MYO9A: variants seen among roughly 807,000 people sequenced by gnomAD.
MYO9A encodes myosin IXA, also known as unconventional myosin-IXa.
MYO9A carries 103 observed loss-of-function variants against 293.3 expected under a neutral mutation model. The observed-to-expected ratio is 0.35, with a 90% CI of 0.30 to 0.41. The LOEUF is 0.41. MYO9A is among the 10% of genes least tolerant of loss of function. The pLI, the probability that MYO9A is intolerant of heterozygous loss-of-function variation, is 1.00. For synonymous variants in MYO9A, 1,001 were observed against 1,035.7 expected, an observed-to-expected ratio of 0.97 and a Z score of 0.64; for missense variants, 2,685 against 3,033.0, an observed-to-expected ratio of 0.89 and a Z score of 2.69.
At chr15:71,954,774 GA>G (rs2059140059) in intron 14 of MYO9A, among the ~76,000 whole-genome samples, 1 of 152,118 alleles carries the variant, frequency 6.6e-6, no homozygotes, top group Non-Finnish European at 1.5e-5. Flanking sequence ...TTTAGTGACA[GA>G]AAAGTTCCAT....
At position 71,879,215 on chromosome 15, in the gene MYO9A, C is replaced by A. The variant is rs543831127; in HGVS notation, c.5739+506G>T. Among the ~76,000 whole-genome samples the A allele has an allele frequency of 4.7e-4, 71 of 152,064 alleles. 1 individual carries two copies. Among genetic ancestry groups the A allele is most frequent in the African/African-American group, 1.5e-3 (62 of 41,400 alleles). ...TAGACCAAAGCATTAATTGCACACA[C>A]CAAAAATAAATTTTCTAAAACATGA... On this transcript the variant is annotated intron_variant, in intron 30 of 41. Transcript: ENST00000356056.
intron 39 of MYO9A, among the ~76,000 whole-genome samples, chr15:71,842,413 C>G (rs921889845): frequency 6.6e-6 from 1 of 151,610 alleles, no homozygotes; most frequent in African/African-American, 2.4e-5. Flanking sequence ...TCATTTAATC[C>G]TAAGTTTGGT....
At chr15:72,022,887 T>G (rs1402676640) in intron 4 of MYO9A, among the ~76,000 whole-genome samples, 1 of 151,904 alleles carries the variant, frequency 6.6e-6, no homozygotes, top group East Asian at 1.9e-4. Context: ...AACAAAAAAT[T>G]ATAAGGCATG....
At chr15:71,847,002 T>C (rs2055416753) in intron 39 of MYO9A, among the ~76,000 whole-genome samples, 1 of 152,196 alleles carries the variant, frequency 6.6e-6, no homozygotes, top group South Asian at 2.1e-4. Flanking sequence ...TTACTAATGA[T>C]AGGAGATGCT....
chr15:71,909,847 C>T (rs2057778823), intron 19 of MYO9A, among the ~76,000 whole-genome samples: 1 of 151,906 alleles, frequency 6.6e-6, no homozygotes. Context: ...GTATAATATA[C>T]ATAGGGCTTG....
At chr15:71,885,896 T>A (rs1346629969) in intron 27 of MYO9A, among the ~76,000 whole-genome samples, 1 of 152,134 alleles carries the variant, frequency 6.6e-6, no homozygotes, top group Non-Finnish European at 1.5e-5. Flanking sequence ...TTCTGAGATA[T>A]GTCCTCAAAT....
chr15:72,098,161 G>GT (rs1172854832), intron 1 of MYO9A, among the ~76,000 whole-genome samples: 8 of 151,658 alleles, frequency 5.3e-5, no homozygotes, highest in Non-Finnish European at 8.8e-5. Context: ...ATGGAGCTCT[G>GT]TAACTCTGGA....
intron 18 of MYO9A, among the ~76,000 whole-genome samples, chr15:71,925,750 C>T (rs1474362304): frequency 1.3e-5 from 2 of 152,086 alleles, no homozygotes; most frequent in African/African-American, 4.8e-5. Flanking sequence ...TTAATTGTAG[C>T]TATAGACATC....
At chr15:71,849,395 G>A (rs796522926) in intron 38 of MYO9A, among the ~76,000 whole-genome samples, 4 of 152,214 alleles carry the variant, frequency 2.6e-5, no homozygotes, top group African/African-American at 9.6e-5. Flanking sequence ...GTTGCAGTGA[G>A]CCAAGATCAT....
intron 38 of MYO9A, 35 bp from the exon 39 acceptor site, chr15:71,849,003 A>C (rs1383881262): frequency 6.4e-7 from 1 of 1,551,190 alleles, no homozygotes; most frequent in Non-Finnish European, 8.7e-7. Context: ...AACTGTTAAG[A>C]GGTGAAGTAA....
chr15:72,028,636 A>G (rs2077760452), intron 3 of MYO9A, among the ~76,000 whole-genome samples: 1 of 151,778 alleles, frequency 6.6e-6, no homozygotes, highest in African/African-American at 2.4e-5. Context: ...AACAAGAGCA[A>G]AACTTCGTCT....
chr15:71,898,470 C>G lies in MYO9A; in HGVS notation c.4033G>C (p.Glu1345Gln). 1 of 1,614,000 alleles carries G rather than the reference C, an allele frequency of 6.2e-7. No individual in the cohort carries two copies. The highest frequency in any genetic ancestry group is 8.5e-7 in the Non-Finnish European group (1 of 1,180,020). Residue 1345 changes from glutamate (E) to glutamine (Q), a missense_variant, in exon 25 of 42, where the codon GAG becomes CAG. Physicochemically the swap from Glu to Gln is conservative, Grantham distance 29 (BLOSUM62 2). Around this residue, in one of 10 missense-constraint regions of MYO9A, gnomAD observed 1,434 missense variants for 1,497.7 expected, o/e 0.96. Coordinates refer to ENST00000356056, the MANE Select transcript of MYO9A (RefSeq NM_006901.4). ...TCTCCTTCATCTGAAATGACAGACT[C>G]TAGTTTGCTCTTTTGGCTTTCCTCA... The part of the protein sequence containing the change: ...SYEESQKSKL[E>Q]SVISDEGDLQ...
At chr15:72,113,626 T>A (rs1413424783) in intron 1 of MYO9A, among the ~76,000 whole-genome samples, 1 of 152,226 alleles carries the variant, frequency 6.6e-6, no homozygotes, top group Non-Finnish European at 1.5e-5. Context: ...ACTATACATG[T>A]CAAAATTATG....
chr15:72,022,841 C>A (rs889823728), intron 4 of MYO9A, among the ~76,000 whole-genome samples: 2 of 151,848 alleles, frequency 1.3e-5, no homozygotes, highest in East Asian at 3.9e-4. Context: ...TGAGTCACCA[C>A]ACCCAGCCAA....
intron 1 of MYO9A, among the ~76,000 whole-genome samples, chr15:72,098,517 C>G (rs1392820917): frequency 6.6e-6 from 1 of 151,716 alleles, no homozygotes. Flanking sequence ...AAATAAATAA[C>G]AAAACTACAT....
intron 32 of MYO9A, among the ~76,000 whole-genome samples, chr15:71,874,661 C>T (rs2056625841): frequency 6.6e-6 from 1 of 152,182 alleles, no homozygotes; most frequent in Non-Finnish European, 1.5e-5. Flanking sequence ...CAGTATGAGA[C>T]TCATAGTTCA....
In MYO9A at chr15:71,878,241, A is replaced by G; in HGVS notation, c.5740-10T>C. 6.6e-7 allele frequency: 1 copy of G among 1,509,868 alleles called. No homozygotes were observed. The highest frequency in any genetic ancestry group is 1.4e-5 in the African/African-American group (1 of 70,440). 93.5% of individuals were successfully genotyped at this position (1,509,868 alleles called of 1,614,324 possible). On this transcript the variant is annotated splice_polypyrimidine_tract_variant and intron_variant, in intron 30 of 41. Coordinates refer to ENST00000356056, the MANE Select transcript of MYO9A (RefSeq NM_006901.4). ...TTTTCCCATCATCCATCTATAAGCA[A>G]TAAGAAAAGAAATGTATGGTTTTAT...
At position 72,110,299 on chromosome 15, in the gene MYO9A, G is replaced by A. The variant is rs559984170; in HGVS notation, c.-72+7381C>T. Among the ~76,000 whole-genome samples the A allele has an allele frequency of 2.3e-4, 35 of 151,000 alleles. No individual in the cohort carries two copies. The East Asian group carries it at 4.3e-3, about 18-fold the overall frequency. The stretch of plus-strand genomic sequence containing the variant: ...AAAAATACAAAAATTAGCTGGGCAC[G>A]GTGGCAGGCACCTGTAATCCCAGCT... On this transcript the variant is annotated intron_variant, in intron 1 of 41. Transcript: ENST00000356056.
rs369967661 is a variant in MYO9A at position 71,897,871 on chromosome 15, T to C, written c.4632A>G (p.Ala1544=). The change falls in exon 25 of 42, where the codon GCA becomes GCG. Residue 1544 remains alanine (A), a synonymous_variant. Coordinates refer to ENST00000356056, the MANE Select transcript of MYO9A (RefSeq NM_006901.4). ...EKPRIGECLV[A]PSSYQSKQRV... ...TTTGCTTTGACTGATAGGAAGATGG[T>C]GCCACCAAACACTCTCCAATTCTTG... 11 of 1,614,116 alleles carry C rather than the reference T, an allele frequency of 6.8e-6. No individual in the cohort carries two copies. Among genetic ancestry groups the C allele is most frequent in the East Asian group, 6.7e-5 (3 of 44,872 alleles).
Sources: allele counts gnomAD v4.1 joint callset (sites outside exome capture counted in the v4.1 genomes callset), GRCh38; gene constraint gnomAD v4.1.1; regional missense constraint gnomAD v4.1.1; transcripts MANE v1.5; gene names NCBI Gene and HGNC (gene_info 2026-07-23, HGNC 2026-07-21).